GTF3C1: variants seen among roughly 807,000 people sequenced by gnomAD.
GTF3C1 encodes general transcription factor IIIC subunit 1, also known as general transcription factor 3C polypeptide 1.
A neutral mutation model predicts 226.7 loss-of-function variants in GTF3C1; 57 were observed. The observed-to-expected ratio is 0.25, with a 90% CI of 0.20 to 0.31. The LOEUF is 0.31. Ranked by LOEUF, GTF3C1 falls within the 10% of genes least tolerant of loss-of-function variation. The pLI is 1.00. For missense variants in GTF3C1, 2,217 were observed against 2,776.1 expected, an observed-to-expected ratio of 0.80 and a Z score of 4.53; for synonymous variants, 1,090 against 1,084.8, an observed-to-expected ratio of 1.00 and a Z score of -0.09.
At position 27,463,523 on chromosome 16, in the gene GTF3C1, C is replaced by A. The variant is rs2087735327; in HGVS notation, c.5924+18G>T. On this transcript the variant is annotated intron_variant, in intron 35 of 36. Transcript: ENST00000356183. The surrounding 1 kb of genome is among the most constrained non-coding windows in gnomAD (Gnocchi z 4.9). Reference sequence around the variant, plus strand: ...AAGAGCCCCGCCCCAGGCCCCGGAGCCAGAACCCCACACCCACCTTTCCCG... The same window carrying A: ...AAGAGCCCCGCCCCAGGCCCCGGAGACAGAACCCCACACCCACCTTTCCCG... 1 of 1,520,094 alleles carries A rather than the reference C, an allele frequency of 6.6e-7. No individual in the cohort carries two copies. The highest frequency in any genetic ancestry group is 2.3e-5 in the East Asian group (1 of 44,442). 94.2% of individuals were successfully genotyped at this position (1,520,094 alleles called of 1,614,324 possible).
rs1384020095 is a variant in GTF3C1 at position 27,494,797 on chromosome 16, G to A, written c.2744C>T (p.Ser915Phe). The A allele has an allele frequency of 1.2e-6, 2 of 1,612,902 alleles. No individual in the cohort carries two copies. The highest frequency in any genetic ancestry group is 1.7e-6 in the Non-Finnish European group (2 of 1,178,848). The change falls in exon 16 of 37, where the codon TCC becomes TTC. Residue 915 changes from serine (S) to phenylalanine (F), a missense_variant. Ser to Phe is a radical substitution (Grantham distance 155). Transcript: ENST00000356183. ...GACTTGCACAATCTGGATGAAGATGGAGAGGGGAAGGCAGAGGAGGATGTC... is the reference window on the plus strand; with the variant it reads ...GACTTGCACAATCTGGATGAAGATGAAGAGGGGAAGGCAGAGGAGGATGTC... ...VSDILLCLPL[S>F]IFIQIVQVSY...
In GTF3C1 at chr16:27,533,303, C is replaced by T. The variant is rs1178813235; in HGVS notation, c.837G>A (p.Leu279=). The change falls in exon 5 of 37, where the codon CTG becomes CTA. Residue 279 remains leucine, a synonymous_variant. Transcript: ENST00000356183. ...ACCCCAGGCTCACCAGCTCTTCCCT[C>T]AGCTTTCCCAGCGTCTCTATGTGGT... ...RTNHIETLGK[L]REELGLCERT... is the part of the protein sequence containing the mutation. The T allele has an allele frequency of 7.6e-6, 12 of 1,581,238 alleles. No homozygotes were observed. Among genetic ancestry groups the T allele is most frequent in the African/African-American group, 5.4e-5 (4 of 74,264 alleles).
intron 6 of GTF3C1, among the ~76,000 whole-genome samples, chr16:27,517,138 G>A (rs563617028): frequency 1.3e-5 from 2 of 152,298 alleles, no homozygotes; most frequent in South Asian, 2.1e-4. Flanking sequence ...TGGGGAGAAC[G>A]GTAAGAGATT....
At chr16:27,524,423 T>A (rs1208904467) in intron 6 of GTF3C1, among the ~76,000 whole-genome samples, 2 of 152,220 alleles carry the variant, frequency 1.3e-5, no homozygotes, top group Non-Finnish European at 2.9e-5. Context: ...ATGTCTACTG[T>A]CACCTGTAAG....
In GTF3C1 at chr16:27,465,274, CG is replaced by C; in HGVS notation, c.5340del (p.Phe1780LeufsTer25). Reference sequence around the variant, plus strand: ...GCACAGCTCACCTGGATGCAATCTGCGAATGTCCTGGTGCGCCCACCACCTG... The same window carrying C: ...GCACAGCTCACCTGGATGCAATCTGCAATGTCCTGGTGCGCCCACCACCTG... ...EKAGGGRTRT[F>X]ADCIQALLEQ... is the part of the protein sequence containing the mutation. On this transcript the variant is annotated frameshift_variant, in exon 33 of 37. Transcript: ENST00000356183. LOFTEE classifies it high-confidence loss of function. The C allele has an allele frequency of 6.2e-7, 1 of 1,614,064 alleles. No homozygotes were observed. Among genetic ancestry groups the C allele is most frequent in the Non-Finnish European group, 8.5e-7 (1 of 1,179,994 alleles).
intron 13 of GTF3C1, among the ~76,000 whole-genome samples, chr16:27,498,323 A>G (rs1188207940): frequency 6.6e-6 from 1 of 152,208 alleles, no homozygotes; most frequent in Non-Finnish European, 1.5e-5. Context: ...AAGATCTGAG[A>G]AAGGCAACCA....
Position 27,547,145 on chromosome 16 carries a change from T to C in GTF3C1, c.222-1622A>G, listed in dbSNP as rs1485704712. On this transcript the variant is annotated intron_variant, in intron 1 of 36. Coordinates refer to ENST00000356183, the MANE Select transcript of GTF3C1 (RefSeq NM_001520.4). ...CCAGCCACACCGCCTCAGTCTTCTT[T>C]TGAAAGTCCCTCACCCTCCATCCAG... Among the ~76,000 whole-genome samples the C allele has an allele frequency of 4.6e-5, 7 of 152,226 alleles. No homozygotes were observed. The East Asian group carries it at 1.4e-3, about 29-fold the overall frequency.
chr16:27,549,595 G>A, intron 1 of GTF3C1, 75 bp downstream of exon 1: 1 of 791,994 alleles, frequency 1.3e-6, no homozygotes, highest in Non-Finnish European at 2.0e-6. Context: ...CCATTCCCCC[G>A]CCCTGCCCCC....
intron 14 of GTF3C1, 23 bp from the exon 15 acceptor site, chr16:27,495,515 C>T (rs776811742): frequency 1.2e-5 from 19 of 1,600,516 alleles, no homozygotes; most frequent in African/African-American, 2.7e-5. Context: ...AGGGAGAGGG[C>T]GGTGCTTGAA....
intron 2 of GTF3C1, among the ~76,000 whole-genome samples, chr16:27,543,257 G>A (rs1280849787): frequency 1.3e-5 from 2 of 152,124 alleles, no homozygotes; most frequent in Non-Finnish European, 2.9e-5. Context: ...GTGGTGGCAT[G>A]CACCTGTAAT....
intron 19 of GTF3C1, among the ~76,000 whole-genome samples, chr16:27,491,428 G>C (rs1312055216): frequency 1.3e-5 from 2 of 152,192 alleles, no homozygotes; most frequent in African/African-American, 4.8e-5. Flanking sequence ...GATGCCGACT[G>C]TGCACCCGAC....
At chr16:27,504,101 G>A (rs992966865) in intron 10 of GTF3C1, among the ~76,000 whole-genome samples, 1 of 152,242 alleles carries the variant, frequency 6.6e-6, no homozygotes, top group African/African-American at 2.4e-5. Context: ...CAGTTTCCAT[G>A]GGGCTGCTGG....
chr16:27,524,245 A>T (rs1360211339), intron 6 of GTF3C1, among the ~76,000 whole-genome samples: 3 of 152,244 alleles, frequency 2.0e-5, no homozygotes, highest in Non-Finnish European at 2.9e-5. Context: ...ATAAAGTTCA[A>T]TGTTTCCTAA....
At chr16:27,532,168 TA>T (rs1395300118) in intron 5 of GTF3C1, among the ~76,000 whole-genome samples, 2 of 152,204 alleles carry the variant, frequency 1.3e-5, no homozygotes, top group East Asian at 3.8e-4. Context: ...TAAAAAATGC[TA>T]GGTCAAATTT....
chr16:27,501,239 G>A lies in GTF3C1; in HGVS notation c.2013C>T (p.Leu671=), dbSNP rs1303079349. The change falls in exon 12 of 37, where the codon CTC becomes CTT. Residue 671 remains leucine (L), a synonymous_variant. Coordinates refer to ENST00000356183, the MANE Select transcript of GTF3C1 (RefSeq NM_001520.4). ...RLVRNLSEEG[L]LRLYRTTVIQ... ...TGACAGTGGTCCGATACAATCGCAA[G>A]AGACCTTCCTCAGACAGGTTCCGCA... 6.2e-7 allele frequency: 1 copy of A among 1,614,134 alleles called. No individual in the cohort carries two copies. Among genetic ancestry groups the A allele is most frequent in the Non-Finnish European group, 8.5e-7 (1 of 1,179,986 alleles).
At chr16:27,485,125 G>C (rs1309029935) in intron 24 of GTF3C1, among the ~76,000 whole-genome samples, 1 of 152,264 alleles carries the variant, frequency 6.6e-6, no homozygotes, top group African/African-American at 2.4e-5. Flanking sequence ...TGGAATTCAG[G>C]AGAGGACTGA....
chr16:27,494,935 C>G (rs774204126), intron 15 of GTF3C1, 27 bp from the exon 16 acceptor site: 1 of 1,605,180 alleles, frequency 6.2e-7, no homozygotes, highest in African/African-American at 1.3e-5. Flanking sequence ...CGGTTACCCC[C>G]GGCAGCCAGG....
chr16:27,545,436 G>C lies in GTF3C1; in HGVS notation c.309C>G (p.Ile103Met). The C allele has an allele frequency of 6.2e-7, 1 of 1,611,206 alleles. No individual in the cohort carries two copies. The highest frequency in any genetic ancestry group is 1.1e-5 in the South Asian group (1 of 91,036). The change falls in exon 2 of 37, where the codon ATC becomes ATG. Residue 103 changes from isoleucine to methionine, a missense_variant. Transcript: ENST00000356183. ...ALEDVYPIHM[I>M]LENKDGIQGS... ...CCTGGATGCCATCCTTATTCTCTAA[G>C]ATCATATGAATGGGGTAGACATCCT...
intron 2 of GTF3C1, 85 bp downstream of exon 2, chr16:27,545,229 G>C: frequency 1.1e-6 from 1 of 933,762 alleles, no homozygotes; most frequent in Non-Finnish European, 1.8e-6. Flanking sequence ...CACCTGCCTC[G>C]GCCTCTTAAA....
Sources: allele counts gnomAD v4.1 joint callset (sites outside exome capture counted in the v4.1 genomes callset), GRCh38; gene constraint gnomAD v4.1.1; non-coding constraint Gnocchi (gnomAD v3.1); transcripts MANE v1.5; gene names NCBI Gene and HGNC (gene_info 2026-07-23, HGNC 2026-07-21).